The following COL24A1 variants were observed in gnomAD, a reference collection of about 807,000 sequenced individuals.
COL24A1 encodes the protein collagen alpha-1(XXIV) chain.
COL24A1 carries 224 observed loss-of-function variants against 253.9 expected under a neutral mutation model. That is an observed-to-expected ratio of 0.88 (90% CI 0.79 to 0.99). The LOEUF is 0.99. Among genes scored for constraint, COL24A1 ranks in the 50% least tolerant of loss-of-function variants. The pLI is 0.00. For missense variants in COL24A1, 2,131 were observed against 2,068.5 expected (o/e 1.03, Z -0.59); for synonymous variants, 685 against 673.7 (o/e 1.02, Z -0.26).
intron 24 of COL24A1, among the ~76,000 whole-genome samples, chr1:85,927,321 GA>G: frequency 1.3e-5 from 2 of 152,262 alleles, no homozygotes; most frequent in Non-Finnish European, 2.9e-5. Context: ...AGGGGTGACG[GA>G]CGGCACCTGG....
chr1:85,998,880 G>T (rs1170959691), intron 19 of COL24A1, among the ~76,000 whole-genome samples: 1 of 152,166 alleles, frequency 6.6e-6, no homozygotes, highest in East Asian at 1.9e-4. Flanking sequence ...CAGTGAATCA[G>T]TGCAAAAAAG....
intron 31 of COL24A1, among the ~76,000 whole-genome samples, chr1:85,893,256 G>T (rs778219205): frequency 2.0e-5 from 3 of 151,650 alleles, no homozygotes; most frequent in East Asian, 1.9e-4. Flanking sequence ...GTATTACCAG[G>T]AGTAAAAAGT....
intron 8 of COL24A1, among the ~76,000 whole-genome samples, chr1:86,062,647 C>T (rs1341431091): frequency 6.6e-6 from 1 of 152,076 alleles, no homozygotes; most frequent in African/African-American, 2.4e-5. Flanking sequence ...AAGCAGTAAC[C>T]TACAATTTTT....
chr1:85,808,888 T>A (rs1167341957), intron 47 of COL24A1, among the ~76,000 whole-genome samples: 2 of 152,128 alleles, frequency 1.3e-5, no homozygotes, highest in East Asian at 3.9e-4. Flanking sequence ...CTAGGGTTTT[T>A]ATGGACAATT....
intron 55 of COL24A1, among the ~76,000 whole-genome samples, chr1:85,747,218 T>A (rs1005125075): frequency 1.3e-5 from 2 of 151,332 alleles, no homozygotes; most frequent in Non-Finnish European, 2.9e-5. Flanking sequence ...TTCAAGCGAT[T>A]CTCCTGCCTC....
chr1:85,910,265 A>G (rs1299518489), intron 25 of COL24A1, among the ~76,000 whole-genome samples: 1 of 152,014 alleles, frequency 6.6e-6, no homozygotes, highest in African/African-American at 2.4e-5. Flanking sequence ...GAAATTATGG[A>G]TAAACAAGAC....
chr1:86,059,103 TA>T lies in COL24A1; in HGVS notation c.1806+17del. 6.3e-7 allele frequency: 1 copy of T among 1,585,126 alleles called. No homozygotes were observed. The highest frequency in any genetic ancestry group is 8.6e-7 in the Non-Finnish European group (1 of 1,159,890). ...AAATAGGAACACAAAGAGAAAAGTC[TA>T]AATATAGTTACTGCACCTGCCTGCC... On this transcript the variant is annotated intron_variant, in intron 9 of 59. Transcript: ENST00000370571.
rs1396193171 is a variant in COL24A1, at chr1:86,022,248, C to T, written c.2248G>A (p.Gly750Arg). 2 of 1,612,960 alleles carry T rather than the reference C, an allele frequency of 1.2e-6. No homozygotes were observed. The highest frequency in any genetic ancestry group is 1.7e-6 in the Non-Finnish European group (2 of 1,179,032). ...PGPPGMRGKS[G>R]PSGQTGDPGL... ...CAAAAGTTCAAACCTACTGAAGGCC[C>T]TGACTTTCCTCTCATCCCTGGTGGT... The change falls in exon 18 of 60, where the codon GGG becomes AGG. Residue 750 changes from glycine (G) to arginine (R), a missense_variant. Transcript: ENST00000370571.
rs184027019 is a variant in COL24A1, at chr1:85,838,041, G to A, written c.3681+544C>T. Among the ~76,000 whole-genome samples the A allele has an allele frequency of 4.6e-5, 7 of 152,134 alleles. No individual in the cohort carries two copies. The East Asian group carries it at 9.6e-4, about 21-fold the overall frequency. On this transcript the variant is annotated intron_variant, in intron 43 of 59. Transcript: ENST00000370571. ...GATAATGTCCCTCTCAGGAATGGAA[G>A]AGGATAAGAATTGACTTAAGCCTTG... is the stretch of plus-strand genomic sequence containing the variant.
chr1:85,785,750 G>A (rs1558119198), intron 48 of COL24A1, among the ~76,000 whole-genome samples: 1 of 152,184 alleles, frequency 6.6e-6, no homozygotes, highest in Non-Finnish European at 1.5e-5. Context: ...AATGGTAAGG[G>A]TGCCAATGTC....
At chr1:86,090,060 C>A (rs1161957804) in intron 6 of COL24A1, among the ~76,000 whole-genome samples, 1 of 152,182 alleles carries the variant, frequency 6.6e-6, no homozygotes, top group African/African-American at 2.4e-5. Flanking sequence ...GCCAGCTACA[C>A]AGAACGTCCC....
At chr1:86,048,681 G>A (rs931669157) in intron 11 of COL24A1, among the ~76,000 whole-genome samples, 29 of 151,990 alleles carry the variant, frequency 1.9e-4, no homozygotes, top group African/African-American at 6.0e-4. Context: ...TAGTAGAGAT[G>A]GGGTTTCACC....
At chr1:85,838,995 T>A (rs1676314488) in intron 42 of COL24A1, among the ~76,000 whole-genome samples, 1 of 151,700 alleles carries the variant, frequency 6.6e-6, no homozygotes, top group East Asian at 1.9e-4. Flanking sequence ...AGCCCAGGAG[T>A]TCGAGACCAG....
chr1:85,742,739 G>A (rs1296633313), intron 57 of COL24A1, among the ~76,000 whole-genome samples: 1 of 151,910 alleles, frequency 6.6e-6, no homozygotes, highest in Non-Finnish European at 1.5e-5. Context: ...TACCATTCTA[G>A]TTCTCTCATA....
chr1:85,837,392 A>T (rs1283061477), intron 43 of COL24A1, among the ~76,000 whole-genome samples: 1 of 152,232 alleles, frequency 6.6e-6, no homozygotes, highest in Non-Finnish European at 1.5e-5. Flanking sequence ...CAACTTATTA[A>T]TGATAGTTAT....
chr1:85,961,555 A>G (rs996869312), intron 23 of COL24A1, among the ~76,000 whole-genome samples: 6 of 152,178 alleles, frequency 3.9e-5, no homozygotes, highest in African/African-American at 1.4e-4. Context: ...TAGTATTTCT[A>G]TGAAATGTGG....
chr1:86,070,235 G>C (rs1701781495), intron 7 of COL24A1, among the ~76,000 whole-genome samples: 1 of 152,154 alleles, frequency 6.6e-6, no homozygotes, highest in Non-Finnish European at 1.5e-5. Context: ...TCAAGCAAAT[G>C]AAAGACTTAG....
At chr1:85,842,424 G>A (rs1443618582) in intron 39 of COL24A1, 31 bp from the exon 40 acceptor site, 1 of 1,423,442 alleles carries the variant, frequency 7.0e-7, no homozygotes, top group African/African-American at 1.4e-5. Context: ...TAGTGAGAGA[G>A]AGAAAGTAAA....
At chr1:86,107,684 C>CCG (rs1705134255) in intron 5 of COL24A1, among the ~76,000 whole-genome samples, 1 of 151,828 alleles carries the variant, frequency 6.6e-6, no homozygotes, top group South Asian at 2.1e-4. Flanking sequence ...ACAGGCGCCT[C>CCG]CCACCACGCC....
Sources: gnomAD v4.1 joint callset for allele counts (sites outside exome capture counted in the v4.1 genomes callset) on GRCh38, gnomAD v4.1.1 for gene constraint, MANE v1.5 for transcripts, NCBI Gene and HGNC (gene_info 2026-07-23, HGNC 2026-07-21) for gene names.